C1orf52: variants seen among roughly 807,000 people sequenced by gnomAD.
The protein encoded by C1orf52 is UPF0690 protein C1orf52.
Under a neutral mutation model 17.2 loss-of-function variants are expected in C1orf52, and 5 were observed. That is an observed-to-expected ratio of 0.29 (90% CI 0.15 to 0.61). The LOEUF is 0.61. C1orf52 is among the 20% of genes least tolerant of loss of function. The pLI is 0.85. For missense variants in C1orf52, 245 were observed against 234.1 expected (o/e 1.05, Z -0.30); for synonymous variants, 110 against 88.0 (o/e 1.25, Z -1.40).
Position 85,252,091 on chromosome 1 carries a change from C to T in C1orf52, c.*538G>A, listed in dbSNP as rs1315094177. The T allele has an allele frequency of 6.6e-6, 1 of 152,490 alleles. No individual in the cohort carries two copies. The highest frequency in any genetic ancestry group is 2.4e-5 in the African/African-American group (1 of 41,464). The allele number at this position is 152,490 out of a possible 1,614,324, so 9.4% of individuals were successfully genotyped here. A position where few individuals can be genotyped will look rare whatever the true frequency, so the allele number is the denominator to read the frequency against. ...CAAAGCACCTGGAACACAGGAGGCA[C>T]TCTTTAAATGGTAATACTTCTTATT... On this transcript the variant is annotated 3_prime_UTR_variant, in exon 3 of 3. Coordinates refer to ENST00000471115, the MANE Select transcript of C1orf52 (RefSeq NM_198077.4).
intron 2 of C1orf52, 39 bp downstream of exon 2, chr1:85,258,485 G>A: frequency 6.5e-7 from 1 of 1,533,098 alleles, no homozygotes; most frequent in Non-Finnish European, 8.9e-7. Flanking sequence ...CCATCACGGG[G>A]ATCAAAATAG....
At chr1:85,256,819 G>GAA (rs1659954987) in intron 2 of C1orf52, among the ~76,000 whole-genome samples, 1 of 129,600 alleles carries the variant, frequency 7.7e-6, no homozygotes, top group South Asian at 2.5e-4. Flanking sequence ...AAAAAAAAAA[G>GAA]AAAAGAAAAC....
Position 85,259,343 on chromosome 1 carries a change from G to C in C1orf52, c.276+15C>G, listed in dbSNP as rs568017833. On this transcript the variant is annotated intron_variant, in intron 1 of 2. Coordinates refer to ENST00000471115, the MANE Select transcript of C1orf52 (RefSeq NM_198077.4). ...GGCCGGGGCCGAGACCGAGAAACGG[G>C]GTCGGGGACCTCACCTCCTCAGGCG... 1 of 1,604,582 alleles carries C rather than the reference G, an allele frequency of 6.2e-7. No individual in the cohort carries two copies. The highest frequency in any genetic ancestry group is 1.1e-5 in the South Asian group (1 of 90,878).
chr1:85,256,595 C>T (rs892655337), intron 2 of C1orf52, among the ~76,000 whole-genome samples: 8 of 151,886 alleles, frequency 5.3e-5, no homozygotes, highest in Admixed American at 1.3e-4. Flanking sequence ...GTCAGGAGAT[C>T]CAGACCATCC....
intron 2 of C1orf52, among the ~76,000 whole-genome samples, chr1:85,257,925 G>A (rs1659985596): frequency 6.6e-6 from 1 of 151,916 alleles, no homozygotes; most frequent in African/African-American, 2.4e-5. Flanking sequence ...GACCAACATG[G>A]TGAAACCCCA....
rs957776228 is a variant in C1orf52, at chr1:85,252,648, G to C, written c.530C>G (p.Pro177Arg). ...SKKRKVEPGE[P>R]AKKKK is the part of the protein sequence containing the mutation. ...TTGTTTCTACTTTTTCTTCTTTGCT[G>C]GTTCTCCTGGCTCTACTTTGCGCTT... The change falls in exon 3 of 3, where the codon CCA becomes CGA. Residue 177 changes from proline (P) to arginine (R), a missense_variant. Pro to Arg is a moderately radical substitution (Grantham distance 103, BLOSUM62 -2). Transcript: ENST00000471115. The C allele has an allele frequency of 3.7e-6, 6 of 1,613,268 alleles. No individual in the cohort carries two copies. The highest frequency in any genetic ancestry group is 4.2e-6 in the Non-Finnish European group (5 of 1,179,554).
intron 2 of C1orf52, among the ~76,000 whole-genome samples, chr1:85,254,241 T>G (rs1289119252): frequency 6.6e-6 from 1 of 152,226 alleles, no homozygotes; most frequent in African/African-American, 2.4e-5. Flanking sequence ...ACTATGGATT[T>G]ATGTAGGCAG....
In C1orf52 at chr1:85,259,379, G is replaced by A. The variant is rs1219593947; in HGVS notation, c.255C>T (p.His85=). 5.0e-6 allele frequency: 8 copies of A among 1,611,396 alleles called. No homozygotes were observed. The highest frequency in any genetic ancestry group is 3.3e-5 in the South Asian group (3 of 91,048). Reference sequence around the variant, plus strand: ...TCACCTCCTCAGGCGCCTTGACGACGTGCCTCTCCCAGTCTATCTGTTTGT... The same window carrying A: ...TCACCTCCTCAGGCGCCTTGACGACATGCCTCTCCCAGTCTATCTGTTTGT... ...PLNKQIDWER[H]VVKAPEEPPK... The change falls in exon 1 of 3, where the codon CAC becomes CAT. Residue 85 remains histidine (H), a synonymous_variant. Transcript: ENST00000471115.
chr1:85,259,348 G>C lies in C1orf52; in HGVS notation c.276+10C>G, dbSNP rs765434701. 6.2e-7 allele frequency: 1 copy of C among 1,606,236 alleles called. No individual in the cohort carries two copies. The highest frequency in any genetic ancestry group is 8.5e-7 in the Non-Finnish European group (1 of 1,173,606). Reference sequence around the variant, plus strand: ...GGGCCGAGACCGAGAAACGGGGTCGGGGACCTCACCTCCTCAGGCGCCTTG... The same window carrying C: ...GGGCCGAGACCGAGAAACGGGGTCGCGGACCTCACCTCCTCAGGCGCCTTG... On this transcript the variant is annotated intron_variant, in intron 1 of 2. Coordinates refer to ENST00000471115, the MANE Select transcript of C1orf52 (RefSeq NM_198077.4).
intron 2 of C1orf52, 118 bp from the exon 3 acceptor site, chr1:85,252,820 CAG>C (rs1343675384): frequency 4.6e-6 from 3 of 655,388 alleles, no homozygotes; most frequent in African/African-American, 1.9e-5. Flanking sequence ...ATGTTTCTCT[CAG>C]AGTTTCCCAA....
chr1:85,253,927 T>C (rs4074156), intron 2 of C1orf52, among the ~76,000 whole-genome samples: 15,004 of 152,274 alleles, frequency 0.099, 855 homozygotes, highest in South Asian at 0.21. Context: ...TAATTAATTG[T>C]AGCTTTTGAC....
At chr1:85,257,606 T>C in intron 2 of C1orf52, 1 of 643,748 alleles carries the variant, frequency 1.6e-6, no homozygotes, top group Non-Finnish European at 2.8e-6. Context: ...AACTCAACAC[T>C]AGCTGCAGTG....
intron 2 of C1orf52, among the ~76,000 whole-genome samples, chr1:85,258,148 G>A (rs1659994186): frequency 6.6e-6 from 1 of 151,048 alleles, no homozygotes; most frequent in South Asian, 2.1e-4. Context: ...AAAAGAAAAA[G>A]AAGAAAAAAA....
intron 2 of C1orf52, among the ~76,000 whole-genome samples, chr1:85,254,742 T>G (rs998551610): frequency 3.3e-5 from 5 of 152,248 alleles, no homozygotes; most frequent in Non-Finnish European, 5.9e-5. Context: ...TTTGAGATTT[T>G]CAGTAGTGAT....
rs1218561434 is a variant in C1orf52 at position 85,258,732 on chromosome 1, A to G, written c.277-10T>C. ...TGAATTCCTTTGGAGGCTGTTAAGC[A>G]AGCACATTAAGAAGCACTGTGACGA... is the stretch of plus-strand genomic sequence containing the variant. On this transcript the variant is annotated splice_polypyrimidine_tract_variant and intron_variant, in intron 1 of 2. Coordinates refer to ENST00000471115, the MANE Select transcript of C1orf52 (RefSeq NM_198077.4). The G allele has an allele frequency of 3.8e-6, 6 of 1,594,810 alleles. No homozygotes were observed. The highest frequency in any genetic ancestry group is 5.1e-6 in the Non-Finnish European group (6 of 1,174,282).
intron 2 of C1orf52, chr1:85,257,326 T>G: frequency 1.6e-6 from 1 of 635,400 alleles, no homozygotes; most frequent in South Asian, 1.9e-5. Context: ...AGGTGATACC[T>G]GAGATTTCTT....
In C1orf52 at chr1:85,251,275, TCTTGGCCTCAAGCTATCCTCCCAC is replaced by T. The variant is rs1659795623; in HGVS notation, c.*1330_*1353del. 6.6e-6 allele frequency: 1 copy of T among 152,236 alleles called. No homozygotes were observed. The highest frequency in any genetic ancestry group is 1.5e-5 in the Non-Finnish European group (1 of 68,044). The allele number at this position is 152,236 out of a possible 1,614,324, so 9.4% of individuals were successfully genotyped here. A position where few individuals can be genotyped will look rare whatever the true frequency, so the allele number is the denominator to read the frequency against. On this transcript the variant is annotated 3_prime_UTR_variant, in exon 3 of 3. Coordinates refer to ENST00000471115, the MANE Select transcript of C1orf52 (RefSeq NM_198077.4). ...CATGTTGTCTAGGCTGGTCTCCAACTCTTGGCCTCAAGCTATCCTCCCACCTTGGCCTCCCAAAGTGCTGGGATT... is the reference window on the plus strand; with the variant it reads ...CATGTTGTCTAGGCTGGTCTCCAACTCTTGGCCTCCCAAAGTGCTGGGATT...
Position 85,252,274 on chromosome 1 carries a change from GTACAT to G in C1orf52, c.*350_*354del, listed in dbSNP as rs1411201822. On this transcript the variant is annotated 3_prime_UTR_variant, in exon 3 of 3. Transcript: ENST00000471115. ...TTGAAAAGCACCCTACAAGTTCACA[GTACAT>G]TACAATATATTTACTTTAAAAATAT... 1.2e-4 allele frequency: 29 copies of G among 233,532 alleles called. No individual in the cohort carries two copies. The highest frequency in any genetic ancestry group is 6.3e-4 in the African/African-American group (27 of 42,892). The allele number at this position is 233,532 out of a possible 1,614,324, so 14.5% of individuals were successfully genotyped here.
In C1orf52 at chr1:85,251,830, A is replaced by G. The variant is rs1352492196; in HGVS notation, c.*799T>C. The stretch of plus-strand genomic sequence containing the variant: ...CGGATCTCCAGGTACAACAGAAAAA[A>G]GTACCTGGAAGAGATGACAATTGAT... On this transcript the variant is annotated 3_prime_UTR_variant, in exon 3 of 3. Coordinates refer to ENST00000471115, the MANE Select transcript of C1orf52 (RefSeq NM_198077.4). 6.6e-6 allele frequency: 1 copy of G among 152,214 alleles called. No homozygotes were observed. The highest frequency in any genetic ancestry group is 2.4e-5 in the African/African-American group (1 of 41,452). The allele number at this position is 152,214 out of a possible 1,614,324, so 9.4% of individuals were successfully genotyped here. A position where few individuals can be genotyped will look rare whatever the true frequency, so the allele number is the denominator to read the frequency against.
Sources: gnomAD v4.1 joint callset for allele counts (sites outside exome capture counted in the v4.1 genomes callset) on GRCh38, gnomAD v4.1.1 for gene constraint, MANE v1.5 for transcripts, NCBI Gene and HGNC (gene_info 2026-07-23, HGNC 2026-07-21) for gene names.